GPHN: variants seen among roughly 807,000 people sequenced by gnomAD.
GPHN encodes gephyrin.
Under a neutral mutation model 95.5 loss-of-function variants are expected in GPHN, and 17 were observed. That is an observed-to-expected ratio of 0.18 (90% CI 0.12 to 0.27). The LOEUF is 0.27. Ranked by LOEUF, GPHN falls within the 10% of genes least tolerant of loss-of-function variation. GPHN has a pLI of 1.00. For synonymous variants in GPHN, 320 were observed against 322.5 expected (o/e 0.99, Z 0.08); for missense variants, 660 against 978.1 (o/e 0.67, Z 4.34).
At chr14:67,427,937 T>C in the GPHN span, among the ~76,000 whole-genome samples, 2 of 151,538 alleles carry the variant, frequency 1.3e-5, no homozygotes, top group Non-Finnish European at 2.9e-5. Context: ...TTTTTTTTTT[T>C]TTGAGACAAA....
At chr14:67,143,540 TA>T in intron 18 of GPHN, 91 bp downstream of exon 18, 1 of 839,954 alleles carries the variant, frequency 1.2e-6, no homozygotes, top group Non-Finnish European at 2.1e-6. Flanking sequence ...CTGATATTCA[TA>T]ACGAGGCTCC....
At chr14:67,068,755 T>G (rs1248639031) in intron 11 of GPHN, among the ~76,000 whole-genome samples, 2 of 152,200 alleles carry the variant, frequency 1.3e-5, no homozygotes, top group African/African-American at 2.4e-5. Flanking sequence ...AACTTTAAGT[T>G]TTGCTGTTGG....
chr14:66,957,935 C>G (rs1255691244), intron 8 of GPHN, among the ~76,000 whole-genome samples: 3 of 152,146 alleles, frequency 2.0e-5, no homozygotes, highest in Non-Finnish European at 4.4e-5. Context: ...TTTAACTAAT[C>G]CCTGATGATC....
At chr14:67,544,715 G>T in the GPHN span, among the ~76,000 whole-genome samples, 2 of 152,320 alleles carry the variant, frequency 1.3e-5, no homozygotes, top group South Asian at 4.1e-4. Context: ...AAGTGAAAGT[G>T]TTTTTATTGA....
the GPHN span, among the ~76,000 whole-genome samples, chr14:67,309,471 T>A: frequency 1.8e-4 from 28 of 152,214 alleles, no homozygotes; most frequent in Non-Finnish European, 2.9e-5. Context: ...TTTTAGGGTA[T>A]ATTTTAGATG....
chr14:66,576,782 G>A (rs2060921153), intron 1 of GPHN, among the ~76,000 whole-genome samples: 2 of 152,250 alleles, frequency 1.3e-5, no homozygotes, highest in Middle Eastern at 3.4e-3. Context: ...TATTTTTAGT[G>A]AGTGCTGGCT....
At chr14:67,002,706 T>A (rs1040963197) in intron 9 of GPHN, among the ~76,000 whole-genome samples, 21 of 151,546 alleles carry the variant, frequency 1.4e-4, no homozygotes, top group Admixed American at 2.6e-4. Flanking sequence ...TTTTGGGGTA[T>A]CTTAAGTATT....
At chr14:67,599,058 C>A in the GPHN span, among the ~76,000 whole-genome samples, 1 of 152,164 alleles carries the variant, frequency 6.6e-6, no homozygotes, top group African/African-American at 2.4e-5. Context: ...GCAATTAGGG[C>A]AGTCTTAATT....
chr14:67,534,513 ATTG>A, the GPHN span, among the ~76,000 whole-genome samples: 41 of 152,118 alleles, frequency 2.7e-4, 1 homozygote, highest in African/African-American at 9.2e-4. Flanking sequence ...TAAAAAAAAA[ATTG>A]TTGTGATATG....
the GPHN span, among the ~76,000 whole-genome samples, chr14:67,246,385 C>A: frequency 9.9e-5 from 15 of 151,636 alleles, no homozygotes; most frequent in African/African-American, 3.6e-4. Flanking sequence ...CACTCTGTCA[C>A]CCAGGCTGGA....
intron 12 of GPHN, among the ~76,000 whole-genome samples, chr14:67,098,839 A>G (rs1436061600): frequency 6.6e-6 from 1 of 151,844 alleles, no homozygotes; most frequent in Admixed American, 6.6e-5. Flanking sequence ...AAAAAAAAGA[A>G]AAAGAGAGAG....
chr14:67,672,033 T>C, the GPHN span, among the ~76,000 whole-genome samples: 2 of 152,364 alleles, frequency 1.3e-5, no homozygotes, highest in Admixed American at 1.3e-4. Flanking sequence ...ATTTTCTATT[T>C]TTCAAAGCAA....
intron 3 of GPHN, among the ~76,000 whole-genome samples, chr14:66,799,444 C>A (rs76106631): frequency 0.015 from 2,341 of 152,038 alleles, 32 homozygotes; most frequent in Non-Finnish European, 0.018. Context: ...GTTGGGGCCT[C>A]TCTCTCTTTA....
At chr14:67,168,111 TCTGGAAG>T (rs1324751792) in intron 20 of GPHN, among the ~76,000 whole-genome samples, 4 of 152,224 alleles carry the variant, frequency 2.6e-5, no homozygotes, top group African/African-American at 4.8e-5. Flanking sequence ...TTCTTACAGT[TCTGGAAG>T]CTGGAAGTCC....
the GPHN span, chr14:67,684,917 T>C: frequency 3.2e-6 from 3 of 930,164 alleles, no homozygotes; most frequent in Non-Finnish European, 4.8e-6. Flanking sequence ...AAAAGCTATA[T>C]GAGACAATGT....
At chr14:67,243,836 G>T in the GPHN span, among the ~76,000 whole-genome samples, 1 of 152,128 alleles carries the variant, frequency 6.6e-6, no homozygotes, top group Non-Finnish European at 1.5e-5. Flanking sequence ...TCATAGGATC[G>T]TTGAGTTGGA....
At chr14:67,011,493 G>T (rs985489469) in intron 9 of GPHN, among the ~76,000 whole-genome samples, 1 of 146,712 alleles carries the variant, frequency 6.8e-6, no homozygotes, top group East Asian at 2.1e-4. Context: ...AGGATCACTT[G>T]AGCCTAGGAG....
chr14:67,369,185 ATATGC>A, the GPHN span, among the ~76,000 whole-genome samples: 2 of 152,256 alleles, frequency 1.3e-5, no homozygotes, highest in Non-Finnish European at 2.9e-5. Flanking sequence ...ATATAAAAAG[ATATGC>A]TATGCAGACA....
At chr14:67,485,366 T>G in the GPHN span, among the ~76,000 whole-genome samples, 1 of 152,196 alleles carries the variant, frequency 6.6e-6, no homozygotes, top group Non-Finnish European at 1.5e-5. Flanking sequence ...CAAACTGACT[T>G]TGTAAGCCCA....
Sources: allele counts gnomAD v4.1 joint callset (sites outside exome capture counted in the v4.1 genomes callset), GRCh38; gene constraint gnomAD v4.1.1; transcripts MANE v1.5; gene names NCBI Gene and HGNC (gene_info 2026-07-23, HGNC 2026-07-21).